Variants in CD86 observed in about 807,000 individuals in gnomAD.
CD86 encodes T-lymphocyte activation antigen CD86.
A neutral mutation model predicts 32.1 loss-of-function variants in CD86; 11 were observed. The observed-to-expected ratio is 0.34, with a 90% CI of 0.22 to 0.57. CD86 has a LOEUF of 0.57. Ranked by LOEUF, CD86 falls within the 20% of genes least tolerant of loss-of-function variation. CD86 has a pLI of 0.86. For missense variants in CD86, 359 were observed against 398.4 expected (o/e 0.90, Z 0.84); for synonymous variants, 137 against 135.3 (o/e 1.01, Z -0.09).
intron 1 of CD86, chr3:122,086,663 C>T (rs140649910): frequency 4.5e-4 from 207 of 457,698 alleles, no homozygotes; most frequent in African/African-American, 3.1e-3. Flanking sequence ...AGTGGGTATT[C>T]GAGCAGTGTT....
intron 1 of CD86, among the ~76,000 whole-genome samples, chr3:122,065,103 G>A (rs1341760432): frequency 1.3e-5 from 2 of 152,134 alleles, no homozygotes; most frequent in African/African-American, 4.8e-5. Context: ...TGAAAACTGA[G>A]TCTCTCTTAG....
At chr3:122,079,034 G>A (rs1431778079) in intron 1 of CD86, among the ~76,000 whole-genome samples, 1 of 152,132 alleles carries the variant, frequency 6.6e-6, no homozygotes, top group Non-Finnish European at 1.5e-5. Flanking sequence ...TTAAGTGCTT[G>A]CTATGTTCCA....
intron 1 of CD86, among the ~76,000 whole-genome samples, chr3:122,070,351 G>A (rs961269377): frequency 1.3e-5 from 2 of 152,068 alleles, no homozygotes; most frequent in African/African-American, 2.4e-5. Flanking sequence ...AGATTCCCCA[G>A]GGCAGCTAGG....
chr3:122,088,831 A>G lies in CD86; in HGVS notation c.15-2770A>G, dbSNP rs570470320. On this transcript the variant is annotated intron_variant, in intron 1 of 6. Coordinates refer to ENST00000330540, the MANE Select transcript of CD86 (RefSeq NM_175862.5). ...ATCTAGCAATTCCCCTTCTGGGTAT[A>G]TACCCAAAAGAACTGAAAGCAGAGT... Among the ~76,000 whole-genome samples, 5 of 152,368 alleles carry G rather than the reference A, an allele frequency of 3.3e-5. No homozygotes were observed. The South Asian group carries it at 1.0e-3, about 32-fold the overall frequency.
At chr3:122,107,199 A>G (rs370974953) in intron 4 of CD86, among the ~76,000 whole-genome samples, 3 of 152,188 alleles carry the variant, frequency 2.0e-5, no homozygotes, top group African/African-American at 7.2e-5. Context: ...TGTAACATGT[A>G]AAATAAATTA....
At chr3:122,100,760 G>A (rs902879424) in intron 2 of CD86, among the ~76,000 whole-genome samples, 3 of 152,142 alleles carry the variant, frequency 2.0e-5, no homozygotes, top group Admixed American at 1.3e-4. Context: ...ATTCTTGAGC[G>A]ACTTGTTCCT....
intron 1 of CD86, among the ~76,000 whole-genome samples, chr3:122,060,905 A>G (rs2072323664): frequency 6.6e-6 from 1 of 152,186 alleles, no homozygotes; most frequent in African/African-American, 2.4e-5. Flanking sequence ...GGGATCATTT[A>G]TAATTTACAT....
chr3:122,099,903 G>T (rs927351399), intron 2 of CD86, among the ~76,000 whole-genome samples: 5 of 152,092 alleles, frequency 3.3e-5, no homozygotes, highest in Non-Finnish European at 7.4e-5. Context: ...TGCACTACAG[G>T]GTCTGGATAA....
chr3:122,057,911 C>A (rs2072262791), intron 1 of CD86, among the ~76,000 whole-genome samples: 1 of 152,228 alleles, frequency 6.6e-6, no homozygotes, highest in African/African-American at 2.4e-5. Context: ...AGTGCAGTGG[C>A]TAAGTGGCCG....
In CD86 at chr3:122,097,206, A is replaced by T. The variant is rs371800672; in HGVS notation, c.64+5556A>T. Among the ~76,000 whole-genome samples the T allele has an allele frequency of 8.5e-5, 13 of 152,150 alleles. No individual in the cohort carries two copies. In the East Asian group the frequency reaches 2.5e-3, roughly 29 times the overall value. ...TTGCATTTCCCTAGTTATTCTTGAG[A>T]TTTTTCCTTTCCTTTCTTCAACAAT... is the stretch of plus-strand genomic sequence containing the variant. On this transcript the variant is annotated intron_variant, in intron 2 of 6. Transcript: ENST00000330540.
chr3:122,079,841 C>T (rs1378861633), intron 1 of CD86, among the ~76,000 whole-genome samples: 3 of 152,190 alleles, frequency 2.0e-5, no homozygotes, highest in Non-Finnish European at 4.4e-5. Flanking sequence ...TATCGGTCCT[C>T]CTTTATTCAT....
chr3:122,074,549 A>G (rs542314442), intron 1 of CD86, among the ~76,000 whole-genome samples: 1 of 152,298 alleles, frequency 6.6e-6, no homozygotes, highest in Non-Finnish European at 1.5e-5. Flanking sequence ...AGACTTGACC[A>G]CTGGCCGCAG....
In CD86 at chr3:122,109,339, G is replaced by T; in HGVS notation, c.778G>T (p.Val260Leu). Reference sequence around the variant, plus strand: ...TGTACTTCCAACAGTTATTATATGTGTGATGGTTTTCTGTCTAATTCTATG... The same window carrying T: ...TGTACTTCCAACAGTTATTATATGTTTGATGGTTTTCTGTCTAATTCTATG... ...TAVLPTVIICVMVFCLILWKW... is the reference protein window; with the variant it reads ...TAVLPTVIICLMVFCLILWKW... Residue 260 changes from valine (V) to leucine (L), a missense_variant, in exon 5 of 7, where the codon GTG (valine) becomes TTG (leucine). Transcript: ENST00000330540. The T allele has an allele frequency of 1.2e-6, 2 of 1,614,076 alleles. No individual in the cohort carries two copies. Among genetic ancestry groups the T allele is most frequent in the South Asian group, 1.1e-5 (1 of 91,076 alleles).
At chr3:122,088,182 CTTTTT>C (rs60476471) in intron 1 of CD86, among the ~76,000 whole-genome samples, 2 of 113,356 alleles carry the variant, frequency 1.8e-5, no homozygotes, top group Non-Finnish European at 1.9e-5. Flanking sequence ...AAAGGGCCCT[CTTTTT>C]TTTTTTTTTT....
intron 1 of CD86, among the ~76,000 whole-genome samples, chr3:122,086,912 C>T (rs1194324791): frequency 0.03 from 3 of 100 alleles, no homozygotes; most frequent in African/African-American, 0.05. Flanking sequence ...AAACGTGCTA[C>T]ACCAGTGTGT....
Position 122,109,377 on chromosome 3 carries a change from G to A in CD86, c.816G>A (p.Lys272=), listed in dbSNP as rs2073139084. 1 of 1,614,140 alleles carries A rather than the reference G, an allele frequency of 6.2e-7. No individual in the cohort carries two copies. ...GTCTAATTCTATGGAAATGGAAGAAGAAGAAGCGGCCTCGCAACTCTTATA... is the reference window on the plus strand; with the variant it reads ...GTCTAATTCTATGGAAATGGAAGAAAAAGAAGCGGCCTCGCAACTCTTATA... ...VFCLILWKWK[K]KKRPRNSYKC... The change falls in exon 5 of 7, where the codon AAG becomes AAA. Residue 272 remains lysine (K), a synonymous_variant. Coordinates refer to ENST00000330540, the MANE Select transcript of CD86 (RefSeq NM_175862.5).
intron 2 of CD86, among the ~76,000 whole-genome samples, chr3:122,097,310 C>T (rs1559908341): frequency 6.6e-6 from 1 of 152,142 alleles, no homozygotes; most frequent in East Asian, 1.9e-4. Flanking sequence ...TGACAAAGCC[C>T]CTGCTGTCAT....
intron 1 of CD86, among the ~76,000 whole-genome samples, chr3:122,071,724 CTTTAT>C (rs987165357): frequency 1.4e-5 from 2 of 146,150 alleles, no homozygotes; most frequent in African/African-American, 2.5e-5. Context: ...GCATTCTTTT[CTTTAT>C]TTTTTTTTTA....
At chr3:122,081,831 C>T (rs1198323154) in intron 1 of CD86, among the ~76,000 whole-genome samples, 3 of 152,208 alleles carry the variant, frequency 2.0e-5, no homozygotes, top group Non-Finnish European at 4.4e-5. Context: ...TCAACTATTA[C>T]CACCTTTACA....
Sources: gnomAD v4.1 joint callset for allele counts (sites outside exome capture counted in the v4.1 genomes callset) on GRCh38, gnomAD v4.1.1 for gene constraint, MANE v1.5 for transcripts, NCBI Gene and HGNC (gene_info 2026-07-23, HGNC 2026-07-21) for gene names.